GABRA4: variants seen among roughly 807,000 people sequenced by gnomAD.
The protein encoded by GABRA4 is gamma-aminobutyric acid receptor subunit alpha-4.
GABRA4 carries 12 observed loss-of-function variants against 49.7 expected under a neutral mutation model. That is an observed-to-expected ratio of 0.24 (90% confidence interval 0.15 to 0.39). GABRA4 has a LOEUF of 0.39. Among genes scored for constraint, GABRA4 ranks in the 10% least tolerant of loss-of-function variants. The probability of loss-of-function intolerance (pLI) is 1.00; values close to 1 mark genes in which losing one functional copy is unlikely to be tolerated. For synonymous variants in GABRA4, 288 were observed against 240.2 expected (o/e 1.20, Z -1.84); for missense variants, 506 against 686.0 (o/e 0.74, Z 2.93).
intron 5 of GABRA4, 144 bp from the exon 6 acceptor site, chr4:46,974,519 T>G: frequency 1.4e-6 from 1 of 738,960 alleles, no homozygotes; most frequent in Non-Finnish European, 2.0e-6. Flanking sequence ...ATAATTTAGT[T>G]CACTATAATT....
At chr4:46,951,215 T>C (rs1722161455) in intron 8 of GABRA4, among the ~76,000 whole-genome samples, 1 of 151,824 alleles carries the variant, frequency 6.6e-6, no homozygotes, top group Admixed American at 6.6e-5. Flanking sequence ...TAATTAACAA[T>C]GTTGAATGGG....
At chr4:46,991,781 G>T (rs1048038039) in intron 2 of GABRA4, among the ~76,000 whole-genome samples, 1 of 152,102 alleles carries the variant, frequency 6.6e-6, no homozygotes, top group African/African-American at 2.4e-5. Flanking sequence ...TGTTGTGAGG[G>T]TTAAACAGAG....
intron 1 of GABRA4, 102 bp from the exon 2 acceptor site, chr4:46,993,048 GC>G: frequency 1.1e-6 from 1 of 909,614 alleles, no homozygotes; most frequent in South Asian, 1.4e-5. Flanking sequence ...AGAGTCGCTT[GC>G]CCCAAGCTAA....
At chr4:46,932,092 G>A (rs1577743254) in intron 8 of GABRA4, among the ~76,000 whole-genome samples, 1 of 152,060 alleles carries the variant, frequency 6.6e-6, no homozygotes, top group South Asian at 2.1e-4. Context: ...TCGTGAGGGC[G>A]GAAGTTCCTC....
Position 46,926,166 on chromosome 4 carries a change from G to C in GABRA4, c.*2059C>G, listed in dbSNP as rs1721224267. 6.6e-6 allele frequency: 1 copy of C among 151,864 alleles called. No individual in the cohort carries two copies. Among genetic ancestry groups the C allele is most frequent in the African/African-American group, 2.4e-5 (1 of 41,386 alleles). The allele number at this position is 151,864 out of a possible 1,614,324, so 9.4% of individuals were successfully genotyped here. Reference sequence around the variant, plus strand: ...TTTCCAGCATAGTTCCTGGAACAAAGTACGCTCTGAATAACTAGTAGCGAA... The same window carrying C: ...TTTCCAGCATAGTTCCTGGAACAAACTACGCTCTGAATAACTAGTAGCGAA... On this transcript the variant is annotated 3_prime_UTR_variant, in exon 9 of 9. Transcript: ENST00000264318.
intron 1 of GABRA4, 147 bp from the exon 2 acceptor site, chr4:46,993,093 C>G: frequency 1.4e-6 from 1 of 712,810 alleles, no homozygotes; most frequent in Non-Finnish European, 2.4e-6. Context: ...ATGCAGAAGA[C>G]AGAAATGGTC....
chr4:46,932,545 G>C (rs1260191795), intron 8 of GABRA4, among the ~76,000 whole-genome samples: 5 of 152,006 alleles, frequency 3.3e-5, no homozygotes, highest in Admixed American at 3.3e-4. Flanking sequence ...TGTCATAATA[G>C]AGTATTGTTT....
At position 46,920,261 on chromosome 4, in the gene GABRA4, T is replaced by A. The variant is rs1167594788; in HGVS notation, c.*7964A>T. The stretch of plus-strand genomic sequence containing the variant: ...ATAGATACCCATGGAAATCTATAGT[T>A]TGCATATTAATTTGCCTTTGGAAAT... On this transcript the variant is annotated 3_prime_UTR_variant, in exon 9 of 9. Coordinates refer to ENST00000264318, the MANE Select transcript of GABRA4 (RefSeq NM_000809.4). 2 of 151,732 alleles carry A rather than the reference T, an allele frequency of 1.3e-5. No homozygotes were observed. The highest frequency in any genetic ancestry group is 3.0e-5 in the Non-Finnish European group (2 of 67,656). 9.4% of individuals were successfully genotyped at this position (151,732 alleles called of 1,614,324 possible). A position where few individuals can be genotyped will look rare whatever the true frequency, so the allele number is the denominator to read the frequency against.
intron 8 of GABRA4, among the ~76,000 whole-genome samples, chr4:46,935,881 G>T (rs1721587666): frequency 1.3e-5 from 2 of 152,104 alleles, no homozygotes; most frequent in Admixed American, 1.3e-4. Context: ...GATGTTGCTG[G>T]TGACAATGAG....
At position 46,927,755 on chromosome 4, in the gene GABRA4, C is replaced by A. The variant is rs1248937063; in HGVS notation, c.*470G>T. On this transcript the variant is annotated 3_prime_UTR_variant, in exon 9 of 9. Coordinates refer to ENST00000264318, the MANE Select transcript of GABRA4 (RefSeq NM_000809.4). ...TTCCTTTTGCCAATGTTTAATTTAACAGGAAAATTCCTTTTCTTGAAGTTC... is the reference window on the plus strand; with the variant it reads ...TTCCTTTTGCCAATGTTTAATTTAAAAGGAAAATTCCTTTTCTTGAAGTTC... 1 of 155,030 alleles carries A rather than the reference C, an allele frequency of 6.5e-6. No individual in the cohort carries two copies. Among genetic ancestry groups the A allele is most frequent in the African/African-American group, 2.4e-5 (1 of 41,436 alleles). The allele number at this position is 155,030 out of a possible 1,614,324, so 9.6% of individuals were successfully genotyped here.
intron 8 of GABRA4, among the ~76,000 whole-genome samples, chr4:46,945,257 T>C (rs1361484449): frequency 6.6e-6 from 1 of 152,124 alleles, no homozygotes; most frequent in Non-Finnish European, 1.5e-5. Flanking sequence ...TCCTGTCTCA[T>C]ACATCTGCCT....
chr4:46,980,238 A>G (rs79188671), intron 2 of GABRA4, among the ~76,000 whole-genome samples: 3 of 152,218 alleles, frequency 2.0e-5, no homozygotes, highest in East Asian at 3.9e-4. Flanking sequence ...GCCCTTGAAC[A>G]TAACTTCCTT....
At chr4:46,993,266 G>T in intron 1 of GABRA4, 73 bp downstream of exon 1, 1 of 1,294,716 alleles carries the variant, frequency 7.7e-7, no homozygotes. Context: ...AGGAGCGAGT[G>T]GCCAAAGGGG....
chr4:46,939,144 T>G (rs2109345626), intron 8 of GABRA4, among the ~76,000 whole-genome samples: 1 of 152,054 alleles, frequency 6.6e-6, no homozygotes, highest in South Asian at 2.1e-4. Context: ...TTCAAAGATT[T>G]TTCTCAGTGG....
chr4:46,941,059 A>G (rs1034508870), intron 8 of GABRA4, among the ~76,000 whole-genome samples: 1 of 152,104 alleles, frequency 6.6e-6, no homozygotes, highest in African/African-American at 2.4e-5. Flanking sequence ...GAATTGAACC[A>G]GTAGCTGAGT....
chr4:46,925,568 G>C lies in GABRA4; in HGVS notation c.*2657C>G, dbSNP rs184086427. On this transcript the variant is annotated 3_prime_UTR_variant, in exon 9 of 9. Coordinates refer to ENST00000264318, the MANE Select transcript of GABRA4 (RefSeq NM_000809.4). ...TGGGTGCCCCTAATCATTCTTCTGAGATTTTCTAAGAGGGAAAAGTGACTG... is the reference window on the plus strand; with the variant it reads ...TGGGTGCCCCTAATCATTCTTCTGACATTTTCTAAGAGGGAAAAGTGACTG... 6.6e-6 allele frequency: 1 copy of C among 151,614 alleles called. No individual in the cohort carries two copies. The highest frequency in any genetic ancestry group is 2.4e-5 in the African/African-American group (1 of 41,430). The allele number at this position is 151,614 out of a possible 1,614,324, so 9.4% of individuals were successfully genotyped here.
In GABRA4 at chr4:46,923,423, T is replaced by A. The variant is rs1300140093; in HGVS notation, c.*4802A>T. ...TCTACATTTATAAAACTCTGTCTTTTAATCAAGCAATCTACTCTTCTAGAC... is the reference window on the plus strand; with the variant it reads ...TCTACATTTATAAAACTCTGTCTTTAAATCAAGCAATCTACTCTTCTAGAC... On this transcript the variant is annotated 3_prime_UTR_variant, in exon 9 of 9. Coordinates refer to ENST00000264318, the MANE Select transcript of GABRA4 (RefSeq NM_000809.4). The A allele has an allele frequency of 6.6e-6, 1 of 152,172 alleles. No individual in the cohort carries two copies. Among genetic ancestry groups the A allele is most frequent in the African/African-American group, 2.4e-5 (1 of 41,452 alleles). 9.4% of individuals were successfully genotyped at this position (152,172 alleles called of 1,614,324 possible). A position where few individuals can be genotyped will look rare whatever the true frequency, so the allele number is the denominator to read the frequency against.
At chr4:46,964,851 A>T in intron 8 of GABRA4, 119 bp downstream of exon 8, 1 of 1,108,590 alleles carries the variant, frequency 9.0e-7, no homozygotes, top group South Asian at 1.8e-5. Flanking sequence ...GTTTTTCTGT[A>T]TTTTTAAATG....
intron 6 of GABRA4, among the ~76,000 whole-genome samples, chr4:46,973,579 A>AC (rs1723032023): frequency 6.6e-6 from 1 of 151,792 alleles, no homozygotes; most frequent in African/African-American, 2.4e-5. Flanking sequence ...CTATCATAAA[A>AC]AATATTTTTT....
Sources: gnomAD v4.1 joint callset for allele counts (sites outside exome capture counted in the v4.1 genomes callset) on GRCh38, gnomAD v4.1.1 for gene constraint, MANE v1.5 for transcripts, NCBI Gene and HGNC (gene_info 2026-07-23, HGNC 2026-07-21) for gene names.